Variants in COL10A1 observed in about 807,000 individuals in gnomAD.
COL10A1 encodes the protein collagen alpha-1(X) chain.
Under a neutral mutation model 18.2 loss-of-function variants are expected in COL10A1, and 10 were observed. The ratio of observed to expected loss-of-function variants is 0.55; its 90% CI spans 0.34 to 0.93. COL10A1 has a LOEUF of 0.93. COL10A1 is among the 40% of genes least tolerant of loss of function. The pLI is 0.02. For missense variants in COL10A1, 897 were observed against 853.5 expected, an observed-to-expected ratio of 1.05 and a Z score of -0.64; for synonymous variants, 330 against 316.6, an observed-to-expected ratio of 1.04 and a Z score of -0.45.
At chr6:116,172,786 T>C in the COL10A1 span, among the ~76,000 whole-genome samples, 1 of 152,184 alleles carries the variant, frequency 6.6e-6, no homozygotes, top group Non-Finnish European at 1.5e-5. Context: ...TCAAAACTCT[T>C]TTCACATCTG....
the COL10A1 span, among the ~76,000 whole-genome samples, chr6:116,182,038 G>A: frequency 7.2e-5 from 11 of 151,852 alleles, no homozygotes; most frequent in South Asian, 6.2e-4. Flanking sequence ...CCTTTCCTCC[G>A]CGTCCCCAAA....
the COL10A1 span, among the ~76,000 whole-genome samples, chr6:116,191,959 G>C: frequency 0.039 from 5,882 of 152,102 alleles, 154 homozygotes; most frequent in South Asian, 0.072. Context: ...TTTTTGGACA[G>C]AACAAAGATG....
chr6:116,174,817 A>C, the COL10A1 span, among the ~76,000 whole-genome samples: 2 of 152,208 alleles, frequency 1.3e-5, no homozygotes, highest in Non-Finnish European at 2.9e-5. Flanking sequence ...ACCATAAAGC[A>C]TGGCTAATTC....
chr6:116,186,301 A>AT, the COL10A1 span, among the ~76,000 whole-genome samples: 283 of 141,986 alleles, frequency 2.0e-3, 2 homozygotes, highest in Middle Eastern at 0.058. Flanking sequence ...AGCTCTTAAG[A>AT]TTTTTTTTTT....
chr6:116,189,329 A>C, the COL10A1 span, among the ~76,000 whole-genome samples: 1 of 151,892 alleles, frequency 6.6e-6, no homozygotes, highest in Non-Finnish European at 1.5e-5. Context: ...TAGTAAGCTC[A>C]CAACCCGATT....
chr6:116,209,619 G>T, the COL10A1 span, among the ~76,000 whole-genome samples: 1 of 151,932 alleles, frequency 6.6e-6, no homozygotes, highest in East Asian at 1.9e-4. Context: ...AGGTTCACCA[G>T]GCAGCAGAGG....
the COL10A1 span, among the ~76,000 whole-genome samples, chr6:116,165,297 T>A: frequency 0.21 from 32,017 of 151,994 alleles, 3,537 homozygotes; most frequent in East Asian, 0.27. Flanking sequence ...TTGGATAGTC[T>A]GATAACTATA....
chr6:116,128,929 C>T (rs1418266590), upstream of COL10A1, among the ~76,000 whole-genome samples: 9 of 152,106 alleles, frequency 5.9e-5, no homozygotes, highest in Non-Finnish European at 1.2e-4. Flanking sequence ...AACTTTTTTA[C>T]AGAAAACTTG....
At chr6:116,122,089 C>T in intron 2 of COL10A1, 128 bp from the exon 3 acceptor site, 1 of 903,290 alleles carries the variant, frequency 1.1e-6, no homozygotes, top group South Asian at 1.3e-5. Context: ...GTAGACAGAA[C>T]AGTCTGAAAT....
rs746777649 is a variant in COL10A1, at chr6:116,121,407, T to G, written c.709A>C (p.Arg237=). Residue 237 remains arginine, a synonymous_variant, in exon 3 of 3, where the codon AGA becomes CGA. Transcript: ENST00000651968. ...GGTCCCATTTCTCCCGGAAAACCTC[T>G]ATCACCTTTGATGCCTGGCTGTCCT... ...VPGQPGIKGD[R]GFPGEMGPIG... 6.2e-7 allele frequency: 1 copy of G among 1,614,000 alleles called. No individual in the cohort carries two copies. The highest frequency in any genetic ancestry group is 8.5e-7 in the Non-Finnish European group (1 of 1,179,968).
At chr6:116,208,394 A>C in the COL10A1 span, among the ~76,000 whole-genome samples, 1 of 152,036 alleles carries the variant, frequency 6.6e-6, no homozygotes, top group Admixed American at 6.6e-5. Flanking sequence ...ACATTTTAAA[A>C]CCGTTTGAAA....
rs181830791 is a variant in COL10A1 at position 116,125,936 on chromosome 6, C to T, written c.-16+117G>A. The T allele has an allele frequency of 2.6e-3, 417 of 157,972 alleles. 10 individuals are homozygous for T. The South Asian group carries it at 0.042, about 16-fold the overall frequency. 9.8% of individuals were successfully genotyped at this position (157,972 alleles called of 1,614,324 possible). ...CTTTTGGAGTGCATTTTAGTAGAAA[C>T]CCATTTTTTAAATCACTTTAATACT... On this transcript the variant is annotated intron_variant, in intron 1 of 2. Coordinates refer to ENST00000651968, the MANE Select transcript of COL10A1 (RefSeq NM_000493.4).
the COL10A1 span, among the ~76,000 whole-genome samples, chr6:116,213,980 C>T: frequency 6.6e-6 from 1 of 152,064 alleles, no homozygotes; most frequent in Non-Finnish European, 1.5e-5. Context: ...TCCCGCCTCA[C>T]CTTCCCAAGT....
chr6:116,215,553 C>A, the COL10A1 span, among the ~76,000 whole-genome samples: 1 of 152,000 alleles, frequency 6.6e-6, no homozygotes, highest in Admixed American at 6.6e-5. Flanking sequence ...ATCTGCTGAC[C>A]CTCCCAGCTG....
chr6:116,205,187 A>T, the COL10A1 span, among the ~76,000 whole-genome samples: 1 of 151,986 alleles, frequency 6.6e-6, no homozygotes, highest in African/African-American at 2.4e-5. Context: ...ACTAAAAACC[A>T]TGTCTTCAGG....
the COL10A1 span, among the ~76,000 whole-genome samples, chr6:116,174,018 GCC>G: frequency 6.6e-6 from 1 of 152,128 alleles, no homozygotes; most frequent in Admixed American, 6.5e-5. Context: ...TTTATAAAAT[GCC>G]CCTCCATTTG....
At chr6:116,181,962 C>T in the COL10A1 span, among the ~76,000 whole-genome samples, 3 of 152,020 alleles carry the variant, frequency 2.0e-5, no homozygotes, top group African/African-American at 7.2e-5. Flanking sequence ...GATTTTGGTG[C>T]ACCCATCACC....
intron 1 of COL10A1, among the ~76,000 whole-genome samples, chr6:116,150,046 A>G (rs1048785209): frequency 1.1e-4 from 16 of 152,184 alleles, no homozygotes; most frequent in Non-Finnish European, 4.4e-5. Context: ...CTTGTGGGCC[A>G]TAAGTGTTGA....
chr6:116,163,141 A>AAAAATATAT (rs761718922), upstream of COL10A1, among the ~76,000 whole-genome samples: 232 of 88,338 alleles, frequency 2.6e-3, 2 homozygotes, highest in African/African-American at 0.011. Context: ...AAAAAAAAAA[A>AAAAATATAT]ATATATATAT....
Sources: allele counts gnomAD v4.1 joint callset (sites outside exome capture counted in the v4.1 genomes callset), GRCh38; gene constraint gnomAD v4.1.1; transcripts MANE v1.5; gene names NCBI Gene and HGNC (gene_info 2026-07-23, HGNC 2026-07-21).